Variants in POLD3 observed in about 807,000 individuals in gnomAD.
POLD3 encodes DNA polymerase delta subunit 3.
Under a neutral mutation model 58.2 loss-of-function variants are expected in POLD3, and 19 were observed. That is an observed-to-expected ratio of 0.33 (90% CI 0.23 to 0.48). The LOEUF is 0.48. Among genes scored for constraint, POLD3 ranks in the 20% least tolerant of loss-of-function variants. The pLI, the probability that POLD3 is intolerant of heterozygous loss-of-function variation, is 0.99. For missense variants in POLD3, 504 were observed against 545.5 expected, an observed-to-expected ratio of 0.92 and a Z score of 0.76; for synonymous variants, 172 against 193.5, an observed-to-expected ratio of 0.89 and a Z score of 0.92.
chr11:74,616,815 G>T (rs2135145846), intron 5 of POLD3, among the ~76,000 whole-genome samples: 1 of 152,168 alleles, frequency 6.6e-6, no homozygotes, highest in Admixed American at 6.5e-5. Flanking sequence ...TATTCTAGCA[G>T]TTAATCTTGA....
chr11:74,613,925 T>A (rs544610079), intron 5 of POLD3, among the ~76,000 whole-genome samples: 1 of 152,294 alleles, frequency 6.6e-6, no homozygotes, highest in East Asian at 1.9e-4. Flanking sequence ...AAGACTGTTA[T>A]GACTTATGAC....
intron 3 of POLD3, among the ~76,000 whole-genome samples, chr11:74,609,368 A>ATTTTTT (rs2031817768): frequency 4.7e-5 from 1 of 21,260 alleles, no homozygotes; most frequent in African/African-American, 1.8e-4. Flanking sequence ...ATATATATAT[A>ATTTTTT]TATATTTTTT....
intron 4 of POLD3, among the ~76,000 whole-genome samples, chr11:74,655,043 T>C (rs756702023): frequency 6.6e-6 from 1 of 152,178 alleles, no homozygotes; most frequent in African/African-American, 2.4e-5. Context: ...TGCACACAGG[T>C]AGAGGAAATG....
chr11:74,638,859 C>A (rs1434929463), intron 11 of POLD3, among the ~76,000 whole-genome samples: 1 of 152,188 alleles, frequency 6.6e-6, no homozygotes, highest in African/African-American at 2.4e-5. Context: ...GTGCGGAGCA[C>A]AATTTGAGTA....
chr11:74,634,749 C>T, intron 10 of POLD3, 54 bp downstream of exon 10: 2 of 980,934 alleles, frequency 2.0e-6, no homozygotes, highest in East Asian at 2.4e-5. Flanking sequence ...GTCTTAAGGA[C>T]CTACAACCAC....
intron 4 of POLD3, among the ~76,000 whole-genome samples, chr11:74,650,994 A>G (rs1201064135): frequency 3.9e-5 from 6 of 152,120 alleles, no homozygotes; most frequent in Admixed American, 3.9e-4. Context: ...AGAGCCCTGC[A>G]CTTGGACGCA....
intron 4 of POLD3, among the ~76,000 whole-genome samples, chr11:74,667,798 A>C (rs1355757626): frequency 1.3e-5 from 2 of 152,214 alleles, no homozygotes; most frequent in African/African-American, 4.8e-5. Context: ...GAAAGGGCGA[A>C]AATATTTGCA....
Position 74,629,612 on chromosome 11 carries a change from G to A in POLD3, c.1006+289G>A, listed in dbSNP as rs148770672. Reference sequence around the variant, plus strand: ...TTTTTTTTTTTTACTTTTAAGGGGAGGATATTCCTTTAGCTACCTTCATGT... The same window carrying A: ...TTTTTTTTTTTTACTTTTAAGGGGAAGATATTCCTTTAGCTACCTTCATGT... On this transcript the variant is annotated intron_variant, in intron 9 of 11. Transcript: ENST00000263681. Among the ~76,000 whole-genome samples, 313 of 151,082 alleles carry A rather than the reference G, an allele frequency of 2.1e-3. 2 individuals are homozygous for A. The highest frequency in any genetic ancestry group is 7.3e-3 in the African/African-American group (301 of 41,180).
rs1326625260 is a variant in POLD3, at chr11:74,640,577, C to T, written c.1212C>T (p.Val404=). ...DGEGCIVTEK[V]YESESCTDSE... is the part of the protein sequence containing the mutation. ...TCATCCTACCAGTGACTGAAAAAGTCTACGAGAGTGAATCCTGCACAGATA... is the reference window on the plus strand; with the variant it reads ...TCATCCTACCAGTGACTGAAAAAGTTTACGAGAGTGAATCCTGCACAGATA... Residue 404 remains valine, a synonymous_variant, in exon 12 of 12, where the codon GTC becomes GTT. Coordinates refer to ENST00000263681, the MANE Select transcript of POLD3 (RefSeq NM_006591.3). The T allele has an allele frequency of 1.3e-6, 2 of 1,549,674 alleles. No individual in the cohort carries two copies. Among genetic ancestry groups the T allele is most frequent in the East Asian group, 4.7e-5 (2 of 42,518 alleles).
At chr11:74,600,911 G>A (rs1178716547) in intron 2 of POLD3, among the ~76,000 whole-genome samples, 1 of 151,894 alleles carries the variant, frequency 6.6e-6, no homozygotes, top group Non-Finnish European at 1.5e-5. Flanking sequence ...TAGAGACGAG[G>A]TTTCTCTATG....
intron 8 of POLD3, among the ~76,000 whole-genome samples, chr11:74,627,710 A>T (rs1189503490): frequency 6.6e-6 from 1 of 152,170 alleles, no homozygotes; most frequent in Non-Finnish European, 1.5e-5. Context: ...GTTTAAATAC[A>T]CAAATACCGT....
Position 74,612,194 on chromosome 11 carries a change from G to C in POLD3, c.259+656G>C, listed in dbSNP as rs560713400. On this transcript the variant is annotated intron_variant, in intron 4 of 11. Coordinates refer to ENST00000263681, the MANE Select transcript of POLD3 (RefSeq NM_006591.3). ...GAGTTCCTGTCCATGGGGGTAGGGT[G>C]GGGGTATTTTACCAAATTTAACTCT... is the stretch of plus-strand genomic sequence containing the variant. Among the ~76,000 whole-genome samples, 6 of 152,316 alleles carry C rather than the reference G, an allele frequency of 3.9e-5. No homozygotes were observed. In the South Asian group the frequency reaches 1.2e-3, roughly 32 times the overall value.
chr11:74,618,939 AC>A (rs2032166654), intron 6 of POLD3, 135 bp downstream of exon 6: 1 of 694,044 alleles, frequency 1.4e-6, no homozygotes, highest in Non-Finnish European at 2.4e-6. Context: ...TTTAGTTTGA[AC>A]CCTTTAATAC....
At chr11:74,634,365 C>T (rs542229841) in intron 9 of POLD3, among the ~76,000 whole-genome samples, 9 of 152,202 alleles carry the variant, frequency 5.9e-5, no homozygotes, top group South Asian at 4.2e-4. Flanking sequence ...AAGATACTTC[C>T]GGCTGTAATA....
Position 74,592,725 on chromosome 11 carries a change from A to G in POLD3, c.60+7A>G, listed in dbSNP as rs970955776. 1.2e-6 allele frequency: 2 copies of G among 1,613,920 alleles called. No homozygotes were observed. Among genetic ancestry groups the G allele is most frequent in the Non-Finnish European group, 1.7e-6 (2 of 1,179,948 alleles). On this transcript the variant is annotated splice_region_variant and intron_variant, in intron 1 of 11. Transcript: ENST00000263681. ...CACGGACCAAAACAAGATCGTGAGC[A>G]GCTACTACTGGGGAACGCGGGCGTG...
At chr11:74,648,064 T>C (rs1170138464), downstream of POLD3, among the ~76,000 whole-genome samples, 1 of 152,202 alleles carries the variant, frequency 6.6e-6, no homozygotes, top group Non-Finnish European at 1.5e-5. Context: ...TAATTTATAA[T>C]GAAAAGTTAG....
chr11:74,668,938 T>C (rs2033306606), exon 5 of POLD3: 3 of 412,784 alleles, frequency 7.3e-6, no homozygotes, highest in Non-Finnish European at 1.3e-5. Flanking sequence ...AGTGACGTGA[T>C]GGTTAAGTTC....
chr11:74,613,106 G>A (rs1827636034), intron 5 of POLD3, 96 bp downstream of exon 5: 1 of 1,058,220 alleles, frequency 9.4e-7, no homozygotes, highest in Non-Finnish European at 1.4e-6. Context: ...GCCAAGTCTA[G>A]TAAAACCCCA....
intron 11 of POLD3, among the ~76,000 whole-genome samples, chr11:74,639,844 G>A (rs1191077237): frequency 6.6e-6 from 1 of 152,144 alleles, no homozygotes; most frequent in Non-Finnish European, 1.5e-5. Flanking sequence ...TGGTAACTTT[G>A]TTTCTCAATT....
Sources: allele counts gnomAD v4.1 joint callset (sites outside exome capture counted in the v4.1 genomes callset), GRCh38; gene constraint gnomAD v4.1.1; transcripts MANE v1.5; gene names NCBI Gene and HGNC (gene_info 2026-07-23, HGNC 2026-07-21).